Variants in TTF1 observed in about 807,000 individuals in gnomAD.
The protein encoded by TTF1 is transcription termination factor 1.
TTF1 carries 64 observed loss-of-function variants against 80.2 expected under a neutral mutation model. The observed-to-expected ratio is 0.80, with a 90% confidence interval of 0.65 to 0.98. TTF1 has a LOEUF of 0.98. Among genes scored for constraint, TTF1 ranks in the 50% least tolerant of loss-of-function variants. TTF1 has a pLI of 0.00. For synonymous variants in TTF1, 372 were observed against 382.7 expected (o/e 0.97, Z 0.33); for missense variants, 1,023 against 1,086.2 (o/e 0.94, Z 0.82).
At chr9:132,377,388 A>G (rs1453808480) in intron 10 of TTF1, among the ~76,000 whole-genome samples, 2 of 102,134 alleles carry the variant, frequency 2.0e-5, no homozygotes, top group African/African-American at 4.2e-5. Context: ...GTGTGAGTGC[A>G]TGTGGTGTGA....
chr9:132,390,476 A>G, intron 7 of TTF1, 121 bp downstream of exon 7: 1 of 871,238 alleles, frequency 1.1e-6, no homozygotes, highest in Non-Finnish European at 1.8e-6. Context: ...CTGGGGCAGC[A>G]GACTAGACAC....
chr9:132,403,819 T>C (rs1253894082), intron 1 of TTF1, among the ~76,000 whole-genome samples: 1 of 152,178 alleles, frequency 6.6e-6, no homozygotes, highest in African/African-American at 2.4e-5. Context: ...ATATCAGGTA[T>C]CCACTGACCT....
rs564087569 is a variant in TTF1 at position 132,376,404 on chromosome 9, A to G, written c.2465-236T>C. Reference sequence around the variant, plus strand: ...AGGAAACCAAGGCATAAAGACATTAAGAGACTTGCCCGAGGCCTTGGAATT... The same window carrying G: ...AGGAAACCAAGGCATAAAGACATTAGGAGACTTGCCCGAGGCCTTGGAATT... On this transcript the variant is annotated intron_variant, in intron 10 of 10. Coordinates refer to ENST00000334270, the MANE Select transcript of TTF1 (RefSeq NM_007344.4). Among the ~76,000 whole-genome samples the G allele has an allele frequency of 1.7e-4, 26 of 152,330 alleles. No individual in the cohort carries two copies. In the South Asian group the frequency reaches 4.8e-3, roughly 28 times the overall value.
rs768118242 is a variant in TTF1 at position 132,392,120 on chromosome 9, C to T, written c.1943G>A (p.Arg648Gln). 2.1e-5 allele frequency: 34 copies of T among 1,614,000 alleles called. No individual in the cohort carries two copies. Among genetic ancestry groups the T allele is most frequent in the Admixed American group, 8.3e-5 (5 of 59,992 alleles). ...DWKTIGEMVA[R>Q]SSLSVALKFS... Reference sequence around the variant, plus strand: ...CTTGAGGGCCACGGAGAGGCTACTTCGGGCCACCATCTCACCAATCGTCTT... The same window carrying T: ...CTTGAGGGCCACGGAGAGGCTACTTTGGGCCACCATCTCACCAATCGTCTT... The change falls in exon 6 of 11, where the codon CGA becomes CAA. Residue 648 changes from arginine (R) to glutamine (Q), a missense_variant. By Grantham distance (43) the Arg-to-Gln change is conservative (BLOSUM62 1). Coordinates refer to ENST00000334270, the MANE Select transcript of TTF1 (RefSeq NM_007344.4).
At chr9:132,377,902 G>A (rs1276938106) in intron 10 of TTF1, among the ~76,000 whole-genome samples, 1 of 132,662 alleles carries the variant, frequency 7.5e-6, no homozygotes, top group East Asian at 2.4e-4. Context: ...CATGTGGTGT[G>A]AGTGCATGTG....
intron 7 of TTF1, among the ~76,000 whole-genome samples, chr9:132,390,324 A>G (rs553310284): frequency 1.3e-5 from 2 of 152,192 alleles, no homozygotes; most frequent in Non-Finnish European, 2.9e-5. Context: ...TTGTTTTATT[A>G]AAGACTTAGA....
intron 5 of TTF1, among the ~76,000 whole-genome samples, chr9:132,394,590 C>G (rs1849613990): frequency 6.6e-6 from 1 of 151,972 alleles, no homozygotes; most frequent in Non-Finnish European, 1.5e-5. Flanking sequence ...CTACTTTTCA[C>G]TATTAAGAAT....
intron 5 of TTF1, 85 bp downstream of exon 5, chr9:132,396,348 A>G (rs1414276767): frequency 1.5e-6 from 2 of 1,345,950 alleles, no homozygotes; most frequent in African/African-American, 2.9e-5. Flanking sequence ...CTTTACTGCT[A>G]ATCCACTGCT....
At position 132,396,420 on chromosome 9, in the gene TTF1, A is replaced by C; in HGVS notation, c.1856+13T>G. ...AGAAATGTTGTCTCAAGCTGCTAAG[A>C]CTTTTTTCTTACCTGCCTTTGTAAT... On this transcript the variant is annotated intron_variant, in intron 5 of 10. Transcript: ENST00000334270. 3.1e-6 allele frequency: 5 copies of C among 1,613,668 alleles called. No homozygotes were observed. Among genetic ancestry groups the C allele is most frequent in the Non-Finnish European group, 4.2e-6 (5 of 1,179,602 alleles).
rs200649563 is a variant in TTF1 at position 132,402,015 on chromosome 9, A to G, written c.807T>C (p.Pro269=). The G allele has an allele frequency of 2.1e-4, 340 of 1,613,460 alleles. No homozygotes were observed. The highest frequency in any genetic ancestry group is 2.6e-4 in the Non-Finnish European group (310 of 1,179,926). ...LDDETPQLLG[P]THKKKSKKKK... ...TTTTCTTAGACTTTTTTTTGTGAGTAGGTCCTAGTAGTTGTGGAGTTTCAT... is the reference window on the plus strand; with the variant it reads ...TTTTCTTAGACTTTTTTTTGTGAGTGGGTCCTAGTAGTTGTGGAGTTTCAT... Residue 269 remains proline, a synonymous_variant, in exon 2 of 11, where the codon CCT becomes CCC. Transcript: ENST00000334270.
At chr9:132,399,216 A>AAG (rs1849714794) in intron 3 of TTF1, among the ~76,000 whole-genome samples, 2 of 10,234 alleles carry the variant, frequency 2.0e-4, no homozygotes, top group Non-Finnish European at 9.8e-4. Flanking sequence ...AAAAAAAAAG[A>AAG]AAAAAAAAAA....
intron 2 of TTF1, 27 bp downstream of exon 2, chr9:132,401,428 G>A: frequency 6.4e-7 from 1 of 1,570,766 alleles, no homozygotes; most frequent in Non-Finnish European, 8.6e-7. Flanking sequence ...AAATATACCA[G>A]CAGCTGGAAT....
At chr9:132,401,410 T>C (rs1440735141) in intron 2 of TTF1, 45 bp downstream of exon 2, 4 of 1,547,828 alleles carry the variant, frequency 2.6e-6, no homozygotes, top group African/African-American at 1.4e-5. Context: ...GCAGAATCCA[T>C]ACGAAAGAAA....
chr9:132,404,428 T>C (rs1033731736), intron 1 of TTF1, among the ~76,000 whole-genome samples: 5 of 152,154 alleles, frequency 3.3e-5, no homozygotes, highest in Admixed American at 6.6e-5. Context: ...GTGTCCCTTC[T>C]GTCAAAGGCT....
chr9:132,399,266 A>G (rs1286095766), intron 3 of TTF1, among the ~76,000 whole-genome samples: 1 of 151,742 alleles, frequency 6.6e-6, no homozygotes, highest in Admixed American at 6.6e-5. Context: ...ATTTCAACAC[A>G]ATACACCAAA....
Position 132,390,786 on chromosome 9 carries a change from A to G in TTF1, c.2033T>C (p.Ile678Thr), listed in dbSNP as rs762561497. Reference protein sequence around the residue: ...AWSKSETRKLIKAVEEVILKK... With the variant: ...AWSKSETRKLTKAVEEVILKK... ...CAGAATCACTTCTTCGACAGCCTTG[A>G]TTAGTTTCCGGGTTTCAGACTTACT... Residue 678 changes from isoleucine (I) to threonine (T), a missense_variant, in exon 7 of 11, where the codon ATC (isoleucine) becomes ACC (threonine). Physicochemically the swap from Ile to Thr is moderately conservative, Grantham distance 89 (BLOSUM62 -1). Transcript: ENST00000334270. The G allele has an allele frequency of 6.2e-7, 1 of 1,614,202 alleles. No individual in the cohort carries two copies. The highest frequency in any genetic ancestry group is 1.1e-5 in the South Asian group (1 of 91,084).
Position 132,400,074 on chromosome 9 carries a change from G to C in TTF1, c.1552C>G (p.Arg518Gly). The C allele has an allele frequency of 1.2e-6, 2 of 1,614,132 alleles. No homozygotes were observed. Among genetic ancestry groups the C allele is most frequent in the Non-Finnish European group, 8.5e-7 (1 of 1,180,040 alleles). The change falls in exon 3 of 11, where the codon CGG (arginine) becomes GGG (glycine). Residue 518 changes from arginine to glycine, a missense_variant. Coordinates refer to ENST00000334270, the MANE Select transcript of TTF1 (RefSeq NM_007344.4). ...RATSTIKRMYRDDLERFKEFK... is the reference protein window; with the variant it reads ...RATSTIKRMYGDDLERFKEFK... The stretch of plus-strand genomic sequence containing the variant: ...TCCTTAAACCGTTCCAAGTCGTCCC[G>C]GTACATCCGCTTGATTGTGCTGGTG...
intron 9 of TTF1, among the ~76,000 whole-genome samples, chr9:132,386,245 G>A (rs1444645403): frequency 2.0e-5 from 3 of 152,064 alleles, no homozygotes; most frequent in Non-Finnish European, 4.4e-5. Flanking sequence ...CACCTGAGGC[G>A]TGATGATCTA....
At chr9:132,395,685 T>C (rs1433645373) in intron 5 of TTF1, among the ~76,000 whole-genome samples, 1 of 152,208 alleles carries the variant, frequency 6.6e-6, no homozygotes, top group Non-Finnish European at 1.5e-5. Flanking sequence ...TAATGACCTA[T>C]GTCTCAGTTT....
Sources: gnomAD v4.1 joint callset for allele counts (sites outside exome capture counted in the v4.1 genomes callset) on GRCh38, gnomAD v4.1.1 for gene constraint, MANE v1.5 for transcripts, NCBI Gene and HGNC (gene_info 2026-07-23, HGNC 2026-07-21) for gene names.